Variants in RBM42 observed in about 807,000 individuals in gnomAD.
The protein encoded by RBM42 is RNA binding motif protein 42, also known as RNA-binding protein 42.
Under a neutral mutation model 41.4 loss-of-function variants are expected in RBM42, and 21 were observed. That is an observed-to-expected ratio of 0.51 (90% CI 0.36 to 0.73). The LOEUF (loss-of-function observed/expected upper bound fraction) is 0.73, where lower values mean the gene tolerates loss of function less well. RBM42 is among the 30% of genes least tolerant of loss of function. RBM42 has a pLI of 0.00. For missense variants in RBM42, 539 were observed against 680.4 expected, an observed-to-expected ratio of 0.79 and a Z score of 2.31; for synonymous variants, 272 against 271.2, an observed-to-expected ratio of 1.00 and a Z score of -0.03.
Position 35,629,242 on chromosome 19 carries a change from G to T in RBM42, c.89G>T (p.Gly30Val). The T allele has an allele frequency of 1.3e-6, 2 of 1,537,130 alleles. No individual in the cohort carries two copies. Among genetic ancestry groups the T allele is most frequent in the South Asian group, 1.2e-5 (1 of 84,000 alleles). The change falls in exon 1 of 10, where the codon GGC becomes GTC. Residue 30 changes from glycine to valine, a missense_variant. Physicochemically the swap from Gly to Val is moderately radical, Grantham distance 109. This residue lies in a region of RBM42 where 429 missense variants were observed against 488.9 expected (regional missense o/e 0.88). Coordinates refer to ENST00000262633, the MANE Select transcript of RBM42 (RefSeq NM_024321.5). ...GPGAGIPGKS[G>V]EERLKEMEAE... is the part of the protein sequence containing the mutation. ...GGCGCTGGCATCCCGGGCAAAAGCG[G>T]CGAGGAACGCTTGAAGGAAATGGAG...
chr19:35,631,185 G>A lies in RBM42; in HGVS notation c.328G>A (p.Val110Ile). The change falls in exon 3 of 10, where the codon GTT becomes ATT. Residue 110 changes from valine to isoleucine, a missense_variant. Val to Ile is a conservative substitution (Grantham distance 29, BLOSUM62 3). Around this residue, in one of 2 missense-constraint regions of RBM42, gnomAD observed 429 missense variants for 488.9 expected, o/e 0.88. Transcript: ENST00000262633. The part of the protein sequence containing the change: ...EARAAAAATV[V>I]PPMVGGPPFV... Reference sequence around the variant, plus strand: ...CCGAGCAGCTGCTGCAGCCACAGTAGTTCCTCCCATGGTGGGTGGCCCTCC... The same window carrying A: ...CCGAGCAGCTGCTGCAGCCACAGTAATTCCTCCCATGGTGGGTGGCCCTCC... 6.2e-7 allele frequency: 1 copy of A among 1,614,202 alleles called. No homozygotes were observed. Among genetic ancestry groups the A allele is most frequent in the African/African-American group, 1.3e-5 (1 of 75,056 alleles).
rs1967400994 is a variant in RBM42 at position 35,631,315 on chromosome 19, T to C, written c.368-16T>C. On this transcript the variant is annotated splice_polypyrimidine_tract_variant and intron_variant, in intron 3 of 9. Transcript: ENST00000262633. ...GGACTCTCCTCCCACCATCCTTGCC[T>C]CTCCCCTCCCAACAGTTGGCTTTGG... 4 of 1,613,882 alleles carry C rather than the reference T, an allele frequency of 2.5e-6. No individual in the cohort carries two copies. The highest frequency in any genetic ancestry group is 1.3e-5 in the African/African-American group (1 of 74,886).
intron 6 of RBM42, 54 bp from the exon 7 acceptor site, chr19:35,633,633 A>G (rs2146351381): frequency 1.5e-6 from 2 of 1,375,492 alleles, no homozygotes; most frequent in Non-Finnish European, 1.9e-6. Context: ...TGGAGATGAC[A>G]GTAAAGTCTG....
In RBM42 at chr19:35,637,393, G is replaced by A. The variant is rs2285416; in HGVS notation, c.1330+41G>A. 0.16 allele frequency: 261,221 copies of A among 1,612,758 alleles called. 26,342 individuals are homozygous for A. The highest frequency in any genetic ancestry group is 0.44 in the African/African-American group (32,809 of 74,956). ...CCTGGGAACTGCAGGCGCGGCAGGC[G>A]CTGGCCTAAGCCTGACCCGAGCCTG... On this transcript the variant is annotated intron_variant, in intron 9 of 9. Coordinates refer to ENST00000262633, the MANE Select transcript of RBM42 (RefSeq NM_024321.5). This position sits in a 1 kb window ranked among gnomAD's most constrained non-coding sequence, Gnocchi z 7.0.
chr19:35,631,011 A>C (rs1433216595), intron 2 of RBM42, 129 bp from the exon 3 acceptor site: 3 of 791,166 alleles, frequency 3.8e-6, no homozygotes, highest in Non-Finnish European at 6.3e-6. Flanking sequence ...GTGGCATTTT[A>C]GCTAAGACCT....
intron 4 of RBM42, among the ~76,000 whole-genome samples, chr19:35,632,518 G>A (rs1450589610): frequency 6.6e-6 from 1 of 152,164 alleles, no homozygotes; most frequent in Admixed American, 6.5e-5. Flanking sequence ...CAGCTCACAG[G>A]TCCCTTTCTC....
intron 6 of RBM42, 99 bp downstream of exon 6, chr19:35,633,351 C>G (rs753224818): frequency 9.5e-5 from 90 of 947,660 alleles, no homozygotes; most frequent in Non-Finnish European, 1.4e-4. Context: ...TCTCTCCTGA[C>G]TTTCTGTTTC....
At chr19:35,635,705 A>G (rs963158490) in intron 8 of RBM42, among the ~76,000 whole-genome samples, 1 of 151,966 alleles carries the variant, frequency 6.6e-6, no homozygotes, top group Non-Finnish European at 1.5e-5. Context: ...TATTTTTAGT[A>G]GAGACGGGGT....
At chr19:35,635,435 C>T (rs1425157520) in intron 8 of RBM42, among the ~76,000 whole-genome samples, 1 of 151,822 alleles carries the variant, frequency 6.6e-6, no homozygotes, top group Non-Finnish European at 1.5e-5. Flanking sequence ...CCCTAGGTGT[C>T]CCAAAACTCT....
At chr19:35,630,145 C>G (rs1967381040) in intron 2 of RBM42, among the ~76,000 whole-genome samples, 1 of 151,844 alleles carries the variant, frequency 6.6e-6, no homozygotes, top group Non-Finnish European at 1.5e-5. Context: ...GAAACCCCAT[C>G]TCTACTAAAA....
chr19:35,635,710 C>T (rs1403291045), intron 8 of RBM42, among the ~76,000 whole-genome samples: 1 of 151,806 alleles, frequency 6.6e-6, no homozygotes, highest in African/African-American at 2.4e-5. Flanking sequence ...TTAGTAGAGA[C>T]GGGGTTTCAC....
At chr19:35,630,120 C>A (rs150028276) in intron 2 of RBM42, among the ~76,000 whole-genome samples, 2 of 151,980 alleles carry the variant, frequency 1.3e-5, no homozygotes, top group East Asian at 3.9e-4. Context: ...TCGAGTCCAT[C>A]CTGGCCAACA....
At chr19:35,629,337 C>T (rs1967364072) in intron 1 of RBM42, 56 bp downstream of exon 1, 1 of 1,488,420 alleles carries the variant, frequency 6.7e-7, no homozygotes, top group Non-Finnish European at 8.9e-7. Context: ...GCCACCGAAT[C>T]TCGGAGCCTC....
chr19:35,632,147 G>A lies in RBM42; in HGVS notation c.442+742G>A, dbSNP rs545455129. Among the ~76,000 whole-genome samples, 4 of 152,236 alleles carry A rather than the reference G, an allele frequency of 2.6e-5. No homozygotes were observed. In the South Asian group the frequency reaches 8.3e-4, roughly 32 times the overall value. On this transcript the variant is annotated intron_variant, in intron 4 of 9. Transcript: ENST00000262633. ...GTGCTACTTATGTTACCTAAATCCT[G>A]TTATACTTATTAATCTGATGATCTC...
Position 35,637,140 on chromosome 19 carries a change from T to C in RBM42, c.1136-18T>C. 6.2e-7 allele frequency: 1 copy of C among 1,601,396 alleles called. No individual in the cohort carries two copies. Among genetic ancestry groups the C allele is most frequent in the Middle Eastern group, 1.7e-4 (1 of 6,054 alleles). On this transcript the variant is annotated intron_variant, in intron 8 of 9. Transcript: ENST00000262633. The surrounding 1 kb of genome is among the most constrained non-coding windows in gnomAD (Gnocchi z 7.0). ...AAGGCCTCTGCATCCTCTGATGTCA[T>C]CTCTTCCCCATCCCCAGATGACTTC...
In RBM42 at chr19:35,633,746, G is replaced by A. The variant is rs1967446620; in HGVS notation, c.744G>A (p.Lys248=). The A allele has an allele frequency of 2.0e-6, 3 of 1,494,654 alleles. No homozygotes were observed. Among genetic ancestry groups the A allele is most frequent in the Non-Finnish European group, 2.7e-6 (3 of 1,128,194 alleles). The allele number at this position is 1,494,654 out of a possible 1,614,324, so 92.6% of individuals were successfully genotyped here. ...GLGLGLGLKE[K]EEAVVAAAAG... The stretch of plus-strand genomic sequence containing the variant: ...GCCTGGGGTTGGGCCTGAAAGAGAA[G>A]GAAGAGGCAGTGGTGGCGGCGGCGG... The change falls in exon 7 of 10, where the codon AAG becomes AAA. Residue 248 remains lysine (K), a synonymous_variant. Coordinates refer to ENST00000262633, the MANE Select transcript of RBM42 (RefSeq NM_024321.5).
Position 35,629,516 on chromosome 19 carries a change from C to T in RBM42, c.129-4C>T. The T allele has an allele frequency of 6.2e-7, 1 of 1,614,112 alleles. No individual in the cohort carries two copies. Among genetic ancestry groups the T allele is most frequent in the Non-Finnish European group, 8.5e-7 (1 of 1,179,992 alleles). ...GAGCGCTGATGTCTGTTCTACTCCT[C>T]CAGGTTTGAGCAGGAAGTTCTGGGG... On this transcript the variant is annotated splice_polypyrimidine_tract_variant and splice_region_variant and intron_variant, in intron 1 of 9. Transcript: ENST00000262633.
At chr19:35,634,457 G>A (rs1660958295) in intron 8 of RBM42, 84 bp downstream of exon 8, 1 of 962,746 alleles carries the variant, frequency 1.0e-6, no homozygotes, top group Non-Finnish European at 1.6e-6. Context: ...CTGGGAGGGT[G>A]AACCCTCTCA....
Position 35,631,367 on chromosome 19 carries a change from G to C in RBM42, c.404G>C (p.Ser135Thr), listed in dbSNP as rs1161563691. ...CCTGGTGATCGGAGTCACCTGGACA[G>C]CCCAGAGGCTCGAGAAGCCATGTTC... ...FGPGDRSHLD[S>T]PEAREAMFLR... Residue 135 changes from serine (S) to threonine (T), a missense_variant, in exon 4 of 10, where the codon AGC (serine) becomes ACC (threonine). This residue lies in a region of RBM42 where 429 missense variants were observed against 488.9 expected (regional missense o/e 0.88). Transcript: ENST00000262633. The C allele has an allele frequency of 6.2e-7, 1 of 1,614,088 alleles. No homozygotes were observed. Among genetic ancestry groups the C allele is most frequent in the Non-Finnish European group, 8.5e-7 (1 of 1,180,042 alleles).
Sources: allele counts gnomAD v4.1 joint callset (sites outside exome capture counted in the v4.1 genomes callset), GRCh38; gene constraint gnomAD v4.1.1; regional missense constraint gnomAD v4.1.1; non-coding constraint Gnocchi (gnomAD v3.1); transcripts MANE v1.5; gene names NCBI Gene and HGNC (gene_info 2026-07-23, HGNC 2026-07-21).